FOXP1: variants seen among roughly 807,000 people sequenced by gnomAD.
The protein encoded by FOXP1 is forkhead box P1.
A neutral mutation model predicts 98.2 loss-of-function variants in FOXP1; 15 were observed. The ratio of observed to expected loss-of-function variants is 0.15; its 90% confidence interval spans 0.10 to 0.24. FOXP1 has a LOEUF of 0.24. Ranked by LOEUF, FOXP1 falls within the 10% of genes least tolerant of loss-of-function variation. The probability of loss-of-function intolerance (pLI) is 1.00; values close to 1 mark genes in which losing one functional copy is unlikely to be tolerated. For synonymous variants in FOXP1, 371 were observed against 314.5 expected (o/e 1.18, Z -1.90); for missense variants, 633 against 848.5 (o/e 0.75, Z 3.15).
At chr3:71,249,065 C>G (rs551306753) in intron 5 of FOXP1, among the ~76,000 whole-genome samples, 13 of 152,198 alleles carry the variant, frequency 8.5e-5, no homozygotes, top group Non-Finnish European at 1.6e-4. Context: ...CCAGGAGGAA[C>G]CAAAGTGAAC....
At chr3:71,237,016 G>A (rs531050092) in intron 5 of FOXP1, among the ~76,000 whole-genome samples, 20 of 151,254 alleles carry the variant, frequency 1.3e-4, no homozygotes, top group Admixed American at 2.6e-4. Context: ...GGCAAATCAC[G>A]AGGTCAGGAG....
chr3:71,397,784 C>A (rs1489990743), intron 3 of FOXP1, among the ~76,000 whole-genome samples: 2 of 152,098 alleles, frequency 1.3e-5, no homozygotes, highest in East Asian at 3.9e-4. Context: ...AGAATAATTT[C>A]TCCATCTACA....
At chr3:71,454,148 A>G (rs2087210858) in intron 3 of FOXP1, among the ~76,000 whole-genome samples, 1 of 152,144 alleles carries the variant, frequency 6.6e-6, no homozygotes, top group African/African-American at 2.4e-5. Flanking sequence ...TTAGAACTAC[A>G]TTTGCTCTAT....
rs151031535 is a variant in FOXP1, at chr3:71,496,822, AAAC to A, written c.-297-3270_-297-3268del. On this transcript the variant is annotated intron_variant, in intron 2 of 20. Transcript: ENST00000649528. ...CTCTGTCTAAAAAAACAAAAGAAAC[AAAC>A]AACAACAACAAAAAGACAAAAAAAA... Among the ~76,000 whole-genome samples the A allele has an allele frequency of 4.9e-3, 747 of 152,032 alleles. 4 individuals carry two copies. The highest frequency in any genetic ancestry group is 0.017 in the African/African-American group (693 of 41,396).
intron 7 of FOXP1, among the ~76,000 whole-genome samples, chr3:71,070,368 A>G (rs1021190645): frequency 1.3e-5 from 2 of 152,098 alleles, no homozygotes; most frequent in African/African-American, 4.8e-5. Flanking sequence ...CTCCGGGGAG[A>G]GCATGTCGGC....
At chr3:71,012,717 C>A (rs2107711424) in intron 12 of FOXP1, among the ~76,000 whole-genome samples, 1 of 152,160 alleles carries the variant, frequency 6.6e-6, no homozygotes, top group East Asian at 1.9e-4. Context: ...AGAGACTGTT[C>A]TAACAATATA....
chr3:71,236,709 G>C (rs536296937), intron 5 of FOXP1, among the ~76,000 whole-genome samples: 31 of 151,872 alleles, frequency 2.0e-4, no homozygotes, highest in African/African-American at 6.8e-4. Flanking sequence ...ATCTCCACAA[G>C]AGACAATAAA....
At chr3:70,959,516 C>T in intron 20 of FOXP1, 125 bp from the exon 21 acceptor site, 1 of 989,780 alleles carries the variant, frequency 1.0e-6, no homozygotes, top group Non-Finnish European at 1.6e-6. Flanking sequence ...AGTATTGTTA[C>T]CATTAGCCAC....
chr3:71,236,346 G>T (rs2066773442), intron 5 of FOXP1, among the ~76,000 whole-genome samples: 1 of 152,142 alleles, frequency 6.6e-6, no homozygotes, highest in South Asian at 2.1e-4. Context: ...AGTATTTCCT[G>T]AGCCTCTGCT....
At chr3:71,128,546 T>G (rs963116865) in intron 6 of FOXP1, among the ~76,000 whole-genome samples, 1 of 152,178 alleles carries the variant, frequency 6.6e-6, no homozygotes, top group Non-Finnish European at 1.5e-5. Context: ...CTCTGATAAA[T>G]TACGTTGTAC....
At position 71,042,273 on chromosome 3, in the gene FOXP1, G is replaced by A. The variant is rs570012859; in HGVS notation, c.665-741C>T. Among the ~76,000 whole-genome samples the A allele has an allele frequency of 3.9e-5, 6 of 152,218 alleles. No individual in the cohort carries two copies. The South Asian group carries it at 1.0e-3, about 26-fold the overall frequency. On this transcript the variant is annotated intron_variant, in intron 10 of 20. Transcript: ENST00000649528. ...AATGCAAACGTAAAATAAACTTACA[G>A]TAATGAAGTTCTCTTGTTTTTTTAA...
intron 11 of FOXP1, among the ~76,000 whole-genome samples, chr3:71,030,346 A>G (rs557648146): frequency 1.3e-4 from 20 of 152,226 alleles, no homozygotes; most frequent in Admixed American, 1.2e-3. Flanking sequence ...GTGCCCTTAG[A>G]TTGGAGGGGG....
At chr3:71,205,197 C>T (rs1345001927) in intron 5 of FOXP1, among the ~76,000 whole-genome samples, 1 of 152,148 alleles carries the variant, frequency 6.6e-6, no homozygotes, top group Non-Finnish European at 1.5e-5. Flanking sequence ...CTAAAATTAA[C>T]ACCCAATTAA....
intron 4 of FOXP1, among the ~76,000 whole-genome samples, chr3:71,326,992 C>A (rs2075730138): frequency 1.3e-5 from 2 of 152,122 alleles, no homozygotes; most frequent in South Asian, 4.1e-4. Context: ...AACTAAGGCC[C>A]AGCAAGGTAA....
intron 6 of FOXP1, among the ~76,000 whole-genome samples, chr3:71,125,306 C>G (rs1437328240): frequency 6.6e-6 from 1 of 152,094 alleles, no homozygotes; most frequent in African/African-American, 2.4e-5. Context: ...GATAGAATCC[C>G]TTCACTGTAT....
At position 71,152,411 on chromosome 3, in the gene FOXP1, G is replaced by A. The variant is rs537882098; in HGVS notation, c.181-39774C>T. Among the ~76,000 whole-genome samples the A allele has an allele frequency of 6.9e-4, 105 of 152,322 alleles. 1 individual carries two copies. Among genetic ancestry groups the A allele is most frequent in the Admixed American group, 6.3e-3 (96 of 15,298 alleles). Reference sequence around the variant, plus strand: ...AGAAACTGTGGAATGACAGATATGTGTTGTTTGAAGCTATTAAGTTTGTGG... The same window carrying A: ...AGAAACTGTGGAATGACAGATATGTATTGTTTGAAGCTATTAAGTTTGTGG... On this transcript the variant is annotated intron_variant, in intron 6 of 20. Transcript: ENST00000649528.
chr3:71,082,654 CA>C lies in FOXP1; in HGVS notation c.283-28882del, dbSNP rs901895146. 2.6e-3 allele frequency among the ~76,000 whole-genome samples: 371 copies of C among 143,900 alleles called. 1 individual carries two copies. Among genetic ancestry groups the C allele is most frequent in the African/African-American group, 8.6e-3 (341 of 39,460 alleles). The allele number at this position is 143,900 out of a possible 152,430, so 94.4% of individuals were successfully genotyped here. A position where few individuals can be genotyped will look rare whatever the true frequency, so the allele number is the denominator to read the frequency against. ...TAAAAAAAAAAGAAAACAACAACAA[CA>C]AAAAAAAAACAGACAAAAATTGTAA... On this transcript the variant is annotated intron_variant, in intron 7 of 20. Transcript: ENST00000649528.
At chr3:71,520,576 C>G (rs1354494002) in intron 2 of FOXP1, among the ~76,000 whole-genome samples, 1 of 152,228 alleles carries the variant, frequency 6.6e-6, no homozygotes, top group Non-Finnish European at 1.5e-5. Flanking sequence ...CAACAAAACA[C>G]TATTCCAGTT....
rs1384854939 is a variant in FOXP1, at chr3:71,115,313, A to ATT, written c.181-2678_181-2677dup. ...TGGGCACTCAATTATTATTATTATT[A>ATT]TTATTTTATTTATTTATTTATTTAT... On this transcript the variant is annotated intron_variant, in intron 6 of 20. Transcript: ENST00000649528. Among the ~76,000 whole-genome samples the ATT allele has an allele frequency of 4.5e-4, 55 of 121,798 alleles. 2 individuals carry two copies. Among genetic ancestry groups the ATT allele is most frequent in the African/African-American group, 1.3e-3 (39 of 30,662 alleles). 79.9% of individuals were successfully genotyped at this position (121,798 alleles called of 152,430 possible). A position where few individuals can be genotyped will look rare whatever the true frequency, so the allele number is the denominator to read the frequency against.
Sources: allele counts gnomAD v4.1 joint callset (sites outside exome capture counted in the v4.1 genomes callset), GRCh38; gene constraint gnomAD v4.1.1; transcripts MANE v1.5; gene names NCBI Gene and HGNC (gene_info 2026-07-23, HGNC 2026-07-21).